The following PTPRT variants were observed in gnomAD, a reference collection of about 807,000 sequenced individuals.
PTPRT encodes the protein protein tyrosine phosphatase receptor type T.
PTPRT carries 56 observed loss-of-function variants against 176.8 expected under a neutral mutation model. The observed-to-expected ratio is 0.32, with a 90% CI of 0.26 to 0.40. The LOEUF is 0.40. PTPRT is among the 10% of genes least tolerant of loss of function. The pLI, the probability that PTPRT is intolerant of heterozygous loss-of-function variation, is 1.00. For synonymous variants in PTPRT, 783 were observed against 739.0 expected (o/e 1.06, Z -0.96); for missense variants, 1,540 against 1,908.2 (o/e 0.81, Z 3.60).
At chr20:43,044,128 G>C (rs1986740909) in intron 1 of PTPRT, among the ~76,000 whole-genome samples, 1 of 152,150 alleles carries the variant, frequency 6.6e-6, no homozygotes, top group African/African-American at 2.4e-5. Context: ...GCCAGCCTGA[G>C]AAAATGATTA....
intron 4 of PTPRT, among the ~76,000 whole-genome samples, chr20:42,778,300 T>C (rs1475767529): frequency 6.6e-6 from 1 of 152,176 alleles, no homozygotes; most frequent in Non-Finnish European, 1.5e-5. Flanking sequence ...CTTTTACCAC[T>C]CTGGCCTTGA....
chr20:42,873,734 C>A (rs910923935), intron 2 of PTPRT, among the ~76,000 whole-genome samples: 1 of 152,076 alleles, frequency 6.6e-6, no homozygotes, highest in African/African-American at 2.4e-5. Context: ...CAGGACTAGC[C>A]ACATTTCCAG....
intron 1 of PTPRT, among the ~76,000 whole-genome samples, chr20:43,065,085 A>G (rs1358536069): frequency 2.6e-5 from 4 of 152,196 alleles, no homozygotes; most frequent in Non-Finnish European, 5.9e-5. Flanking sequence ...GGAAACTCCA[A>G]AAGAAGAAAC....
At chr20:42,348,369 C>CA (rs2058225674) in intron 11 of PTPRT, among the ~76,000 whole-genome samples, 3 of 58,786 alleles carry the variant, frequency 5.1e-5, no homozygotes, top group Non-Finnish European at 1.1e-4. Context: ...AGTGACATTT[C>CA]TTTTATTTAT....
At chr20:42,199,934 T>C (rs1423295999) in intron 15 of PTPRT, among the ~76,000 whole-genome samples, 1 of 152,028 alleles carries the variant, frequency 6.6e-6, no homozygotes, top group Non-Finnish European at 1.5e-5. Flanking sequence ...CTTATTCCCA[T>C]GGGAATAAAA....
At chr20:42,099,482 A>AAAAC (rs143050357) in intron 26 of PTPRT, among the ~76,000 whole-genome samples, 5,813 of 145,526 alleles carry the variant, frequency 0.04, 178 homozygotes, top group Middle Eastern at 0.07. Flanking sequence ...TCCAGTGAAT[A>AAAAC]AAACAATAAA....
At chr20:42,846,138 TCTC>T (rs777402307) in intron 2 of PTPRT, among the ~76,000 whole-genome samples, 1 of 152,082 alleles carries the variant, frequency 6.6e-6, no homozygotes, top group African/African-American at 2.4e-5. Flanking sequence ...CCTGCTCACT[TCTC>T]CTACTTTGAT....
chr20:43,078,776 A>C (rs2011353733), intron 1 of PTPRT, among the ~76,000 whole-genome samples: 2 of 152,236 alleles, frequency 1.3e-5, no homozygotes, highest in Non-Finnish European at 2.9e-5. Context: ...AATATTAATC[A>C]TACTTTTCTG....
chr20:43,122,826 A>C (rs1038679972), intron 1 of PTPRT, among the ~76,000 whole-genome samples: 1 of 152,084 alleles, frequency 6.6e-6, no homozygotes, highest in African/African-American at 2.4e-5. Context: ...TACATTACAC[A>C]GGCCCAGGTT....
At chr20:42,603,220 G>A (rs370035287) in intron 7 of PTPRT, among the ~76,000 whole-genome samples, 3 of 152,092 alleles carry the variant, frequency 2.0e-5, no homozygotes, top group South Asian at 2.1e-4. Context: ...CAGGAGATAC[G>A]AGTGATGTAG....
chr20:42,390,394 C>A (rs1032453619), intron 9 of PTPRT, among the ~76,000 whole-genome samples: 11 of 152,082 alleles, frequency 7.2e-5, no homozygotes, highest in Non-Finnish European at 1.3e-4. Flanking sequence ...GTGCTGCAGA[C>A]CCACACAGTA....
intron 14 of PTPRT, among the ~76,000 whole-genome samples, chr20:42,239,940 T>A (rs1463817485): frequency 6.6e-6 from 1 of 152,162 alleles, no homozygotes; most frequent in Non-Finnish European, 1.5e-5. Context: ...GCTTTGTGTA[T>A]CTTTGGACCA....
At chr20:43,063,112 A>G (rs149163991) in intron 1 of PTPRT, among the ~76,000 whole-genome samples, 2 of 152,318 alleles carry the variant, frequency 1.3e-5, no homozygotes, top group African/African-American at 4.8e-5. Flanking sequence ...AGAAATTTTC[A>G]GGGTTCTTGG....
intron 9 of PTPRT, among the ~76,000 whole-genome samples, chr20:42,374,128 AGCT>A (rs1248033759): frequency 6.6e-6 from 1 of 152,228 alleles, no homozygotes; most frequent in African/African-American, 2.4e-5. Context: ...AGCGTCTGCC[AGCT>A]GCAGGGAAAT....
At chr20:42,649,555 C>T (rs1238147853) in intron 7 of PTPRT, among the ~76,000 whole-genome samples, 1 of 152,154 alleles carries the variant, frequency 6.6e-6, no homozygotes, top group African/African-American at 2.4e-5. Flanking sequence ...TTCATGGAGG[C>T]ACACATTTAT....
At chr20:42,070,515 G>C (rs959014975), downstream of PTPRT, among the ~76,000 whole-genome samples, 1 of 151,894 alleles carries the variant, frequency 6.6e-6, no homozygotes, top group Non-Finnish European at 1.5e-5. Context: ...GAGAACCCAA[G>C]ACTTGAAGCA....
chr20:42,674,248 A>G (rs942074025), intron 7 of PTPRT, among the ~76,000 whole-genome samples: 1 of 152,232 alleles, frequency 6.6e-6, no homozygotes, highest in Admixed American at 6.5e-5. Context: ...TAAAATGTGA[A>G]TTATTCAAGA....
intron 18 of PTPRT, 100 bp from the exon 19 acceptor site, chr20:42,128,930 C>T (rs142889536): frequency 7.8e-5 from 74 of 944,262 alleles, no homozygotes; most frequent in Non-Finnish European, 1.1e-4. Flanking sequence ...GCATATCAGG[C>T]ATTGTGCTAC....
chr20:42,144,503 G>A (rs1384249781), intron 17 of PTPRT, among the ~76,000 whole-genome samples: 3 of 152,072 alleles, frequency 2.0e-5, no homozygotes, highest in Non-Finnish European at 4.4e-5. Context: ...CCACCGATAA[G>A]ACAGACAAGT....
Sources: gnomAD v4.1 joint callset for allele counts (sites outside exome capture counted in the v4.1 genomes callset) on GRCh38, gnomAD v4.1.1 for gene constraint, MANE v1.5 for transcripts, NCBI Gene and HGNC (gene_info 2026-07-23, HGNC 2026-07-21) for gene names.